COP1: variants seen among roughly 807,000 people sequenced by gnomAD.
COP1 encodes the protein COP1 E3 ubiquitin ligase, also known as E3 ubiquitin-protein ligase COP1.
Under a neutral mutation model 101.3 loss-of-function variants are expected in COP1, and 24 were observed. The ratio of observed to expected loss-of-function variants is 0.24; its 90% CI spans 0.17 to 0.33. The LOEUF is 0.33. Among genes scored for constraint, COP1 ranks in the 10% least tolerant of loss-of-function variants. The probability of loss-of-function intolerance (pLI) is 1.00; values close to 1 mark genes in which losing one functional copy is unlikely to be tolerated. For missense variants in COP1, 663 were observed against 906.2 expected (o/e 0.73, Z 3.45); for synonymous variants, 347 against 341.9 (o/e 1.01, Z -0.17).
At chr1:176,017,440 T>G (rs1036521224) in intron 15 of COP1, 1 of 152,214 alleles carries the variant, frequency 6.6e-6, no homozygotes, top group African/African-American at 2.4e-5. Flanking sequence ...AGGTTTTTCT[T>G]AGGCGGGAAA....
Position 176,026,574 on chromosome 1 carries a change from T to TA in COP1, c.1729+997dup, listed in dbSNP as rs556343704. 8.9e-4 allele frequency among the ~76,000 whole-genome samples: 135 copies of TA among 151,720 alleles called. 2 individuals are homozygous for TA. The East Asian group carries it at 0.02, about 22-fold the overall frequency. On this transcript the variant is annotated intron_variant, in intron 15 of 19. Coordinates refer to ENST00000367669, the MANE Select transcript of COP1 (RefSeq NM_022457.7). ...ATCATTAAAAATAAATTCTATATGC[T>TA]AAAAAAAAGAGAATTTTACCCACAT...
chr1:175,947,225 C>G lies in COP1; in HGVS notation c.2148G>C (p.Leu716=). Residue 716 remains leucine, a synonymous_variant, in exon 19 of 20, where the codon CTG becomes CTC. Coordinates refer to ENST00000367669, the MANE Select transcript of COP1 (RefSeq NM_022457.7). ...TTGTACCCTGACTGTTAGCAGCAAT[C>G]AGCACATTGGACTCCTAGAAAAGAA... ...RALPDGESNV[L]IAANSQGTIK... 6.2e-7 allele frequency: 1 copy of G among 1,609,986 alleles called. No individual in the cohort carries two copies.
At chr1:175,974,147 A>C (rs1653941659) in intron 18 of COP1, among the ~76,000 whole-genome samples, 1 of 152,242 alleles carries the variant, frequency 6.6e-6, no homozygotes, top group Non-Finnish European at 1.5e-5. Flanking sequence ...GCAGGACATA[A>C]ACTAAACTAA....
intron 15 of COP1, among the ~76,000 whole-genome samples, chr1:176,024,037 C>G (rs10913124): frequency 0.4 from 60,535 of 151,918 alleles, 12,263 homozygotes; most frequent in Middle Eastern, 0.45. Context: ...GCAGGCAGAT[C>G]ACTTGAGGTC....
intron 8 of COP1, among the ~76,000 whole-genome samples, chr1:176,130,007 CATA>C (rs1426857165): frequency 1.3e-5 from 2 of 151,666 alleles, no homozygotes; most frequent in Non-Finnish European, 1.5e-5. Flanking sequence ...TTCAATTACA[CATA>C]ATAATAAACT....
chr1:176,064,524 C>G (rs548923571), intron 11 of COP1, among the ~76,000 whole-genome samples: 4 of 152,172 alleles, frequency 2.6e-5, no homozygotes, highest in Non-Finnish European at 4.4e-5. Flanking sequence ...ACATTAGTTA[C>G]CACACTCTAA....
At chr1:176,068,522 A>C (rs556122924) in intron 11 of COP1, among the ~76,000 whole-genome samples, 2 of 152,352 alleles carry the variant, frequency 1.3e-5, no homozygotes, top group East Asian at 3.9e-4. Flanking sequence ...CGTAGTATTT[A>C]CAACATGCCA....
chr1:175,992,508 C>T (rs1177598079), intron 15 of COP1, among the ~76,000 whole-genome samples: 2 of 152,192 alleles, frequency 1.3e-5, no homozygotes, highest in Non-Finnish European at 2.9e-5. Context: ...AAAGGAGTGA[C>T]AGACGGCACC....
chr1:175,968,577 C>G (rs1393454698), intron 18 of COP1: 1 of 494,332 alleles, frequency 2.0e-6, no homozygotes, highest in Non-Finnish European at 4.0e-6. Flanking sequence ...CTTTTGTTAA[C>G]CAGTCTTTTA....
intron 15 of COP1, among the ~76,000 whole-genome samples, chr1:176,021,389 C>A (rs1307461686): frequency 6.6e-6 from 1 of 152,030 alleles, no homozygotes; most frequent in East Asian, 1.9e-4. Flanking sequence ...TCAGCAGGTG[C>A]CAAATTATCT....
intron 18 of COP1, among the ~76,000 whole-genome samples, chr1:175,983,281 G>A (rs1656305959): frequency 3.3e-5 from 5 of 152,184 alleles, no homozygotes; most frequent in Admixed American, 3.3e-4. Flanking sequence ...GACCCAGTGG[G>A]AGGTAAATGA....
chr1:176,206,712 G>A lies in COP1; in HGVS notation c.267C>T (p.His89=). 3 of 1,597,582 alleles carry A rather than the reference G, an allele frequency of 1.9e-6. No homozygotes were observed. In the East Asian group the frequency reaches 6.7e-5, roughly 36 times the overall value. The change falls in exon 1 of 20, where the codon CAC becomes CAT. Residue 89 remains histidine (H), a synonymous_variant. Coordinates refer to ENST00000367669, the MANE Select transcript of COP1 (RefSeq NM_022457.7). ...GGAVSTGLSR[H]SCAARPSAGV... ...CGGCGCTGGGCCTGGCCGCGCAGCT[G>A]TGCCGGGACAGGCCCGTGGACACCG...
intron 18 of COP1, among the ~76,000 whole-genome samples, chr1:175,958,861 G>A (rs1650993400): frequency 6.6e-6 from 1 of 151,882 alleles, no homozygotes; most frequent in South Asian, 2.1e-4. Flanking sequence ...AGGCTTACAT[G>A]ACTTCATCTA....
At chr1:175,953,684 T>C (rs1650241288) in intron 18 of COP1, among the ~76,000 whole-genome samples, 1 of 150,696 alleles carries the variant, frequency 6.6e-6, no homozygotes, top group Admixed American at 6.6e-5. Context: ...AATGGCTATA[T>C]CAGAAAAAGT....
chr1:175,997,943 T>C (rs1660589349), intron 15 of COP1, among the ~76,000 whole-genome samples: 1 of 151,478 alleles, frequency 6.6e-6, no homozygotes, highest in Non-Finnish European at 1.5e-5. Context: ...TAAAGACACA[T>C]GCACACATTA....
chr1:175,968,498 AT>A (rs750333946), intron 18 of COP1: 3 of 518,910 alleles, frequency 5.8e-6, no homozygotes, highest in Non-Finnish European at 1.2e-5. Flanking sequence ...GACAAAAGGC[AT>A]TTTTTCATTT....
intron 9 of COP1, among the ~76,000 whole-genome samples, chr1:176,094,600 A>T (rs779287917): frequency 3.3e-5 from 5 of 151,856 alleles, no homozygotes; most frequent in Non-Finnish European, 7.4e-5. Flanking sequence ...GATCACATTT[A>T]GCAAACTCAA....
At chr1:176,163,107 A>G in intron 4 of COP1, 119 bp from the exon 5 acceptor site, 1 of 1,008,694 alleles carries the variant, frequency 9.9e-7, no homozygotes, top group Non-Finnish European at 1.4e-6. Flanking sequence ...AAAATATATT[A>G]TAATGTTCCA....
chr1:175,966,965 G>A (rs1434349653), intron 18 of COP1, among the ~76,000 whole-genome samples: 2 of 152,074 alleles, frequency 1.3e-5, no homozygotes, highest in East Asian at 3.9e-4. Flanking sequence ...CTGGGGAATT[G>A]GGATTTCTTC....
Sources: gnomAD v4.1 joint callset for allele counts (sites outside exome capture counted in the v4.1 genomes callset) on GRCh38, gnomAD v4.1.1 for gene constraint, MANE v1.5 for transcripts, NCBI Gene and HGNC (gene_info 2026-07-23, HGNC 2026-07-21) for gene names.